RARB: variants seen among roughly 807,000 people sequenced by gnomAD.
RARB encodes the protein HBV-activated protein.
Under a neutral mutation model 51.9 loss-of-function variants are expected in RARB, and 17 were observed. That is an observed-to-expected ratio of 0.33 (90% CI 0.22 to 0.49). The LOEUF (loss-of-function observed/expected upper bound fraction) is 0.49, where lower values mean the gene tolerates loss of function less well. Ranked by LOEUF, RARB falls within the 20% of genes least tolerant of loss-of-function variation. The probability of loss-of-function intolerance (pLI) is 0.99; values close to 1 mark genes in which losing one functional copy is unlikely to be tolerated. For synonymous variants in RARB, 215 were observed against 195.4 expected, an observed-to-expected ratio of 1.10 and a Z score of -0.84; for missense variants, 369 against 550.8, an observed-to-expected ratio of 0.67 and a Z score of 3.30.
chr3:25,422,430 A>G (rs1032992533), intron 5 of RARB, among the ~76,000 whole-genome samples: 1 of 152,198 alleles, frequency 6.6e-6, no homozygotes, highest in African/African-American at 2.4e-5. Flanking sequence ...TGGTAGTGCC[A>G]TTGGCATTTA....
chr3:25,419,854 C>T (rs1344560121), intron 5 of RARB, among the ~76,000 whole-genome samples: 1 of 152,092 alleles, frequency 6.6e-6, no homozygotes, highest in Non-Finnish European at 1.5e-5. Context: ...AAACTGTTGC[C>T]TTCTGAATTA....
intron 4 of RARB, among the ~76,000 whole-genome samples, chr3:25,132,655 A>G (rs1260063027): frequency 6.6e-6 from 1 of 151,974 alleles, no homozygotes; most frequent in Non-Finnish European, 1.5e-5. Context: ...TAAGCAGTAG[A>G]GGATTAATAC....
chr3:25,174,349 G>A (rs1378607991), exon 5 of RARB: 22 of 1,331,086 alleles, frequency 1.7e-5, no homozygotes, highest in Non-Finnish European at 2.1e-5. Flanking sequence ...AAGACCTGGA[G>A]TGATGTGTTC....
At chr3:25,092,625 C>T (rs1699219039) in intron 3 of RARB, among the ~76,000 whole-genome samples, 1 of 152,100 alleles carries the variant, frequency 6.6e-6, no homozygotes. Flanking sequence ...TACATGTTTG[C>T]TCTTTTTTTT....
intron 5 of RARB, among the ~76,000 whole-genome samples, chr3:25,402,303 T>G (rs950321029): frequency 2.0e-5 from 3 of 152,120 alleles, no homozygotes; most frequent in Non-Finnish European, 4.4e-5. Flanking sequence ...TGTGCAATAG[T>G]GAATGCTGGC....
At chr3:24,925,744 C>G (rs748764330) in intron 2 of RARB, among the ~76,000 whole-genome samples, 1 of 149,486 alleles carries the variant, frequency 6.7e-6, no homozygotes, top group African/African-American at 2.5e-5. Context: ...ATAGAGATAT[C>G]TTTCTTAGAA....
intron 5 of RARB, among the ~76,000 whole-genome samples, chr3:25,420,341 A>G (rs1189403142): frequency 6.6e-6 from 1 of 152,142 alleles, no homozygotes; most frequent in Non-Finnish European, 1.5e-5. Context: ...TCTGAAGGAA[A>G]TTCCTTTGGG....
chr3:25,348,355 A>G (rs938357654), intron 5 of RARB, among the ~76,000 whole-genome samples: 15 of 150,594 alleles, frequency 1.0e-4, no homozygotes, highest in African/African-American at 2.9e-4. Context: ...AATATTTGCA[A>G]TAATAACTAT....
Position 25,021,718 on chromosome 3 carries a change from T to C in RARB, c.-379-38407T>C, listed in dbSNP as rs75797561. ...TTTCCATTTGTTCAAATTTTTTTTT[T>C]AAATTCGAGGACCTATAATGTCCAA... On this transcript the variant is annotated intron_variant, in intron 2 of 11. Transcript: ENST00000383772. 7.2e-3 allele frequency among the ~76,000 whole-genome samples: 1,092 copies of C among 152,212 alleles called. 20 individuals are homozygous for C. Among genetic ancestry groups the C allele is most frequent in the East Asian group, 0.063 (327 of 5,160 alleles).
chr3:25,384,234 G>A (rs374435024), intron 5 of RARB, among the ~76,000 whole-genome samples: 2 of 152,134 alleles, frequency 1.3e-5, no homozygotes, highest in Non-Finnish European at 2.9e-5. Flanking sequence ...TTAACTAGTT[G>A]TCTGGCTTTT....
intron 5 of RARB, among the ~76,000 whole-genome samples, chr3:25,256,845 G>A (rs1032198137): frequency 4.7e-5 from 7 of 149,526 alleles, no homozygotes; most frequent in African/African-American, 1.7e-4. Context: ...GAAGATAAGA[G>A]GTGGCACAGC....
intron 2 of RARB, among the ~76,000 whole-genome samples, chr3:25,470,205 G>C (rs1695617955): frequency 6.6e-6 from 1 of 152,172 alleles, no homozygotes; most frequent in African/African-American, 2.4e-5. Context: ...AGTAGTTCAA[G>C]AGAGTGTCTG....
At chr3:25,508,393 T>A (rs1428504234) in intron 3 of RARB, among the ~76,000 whole-genome samples, 2 of 152,214 alleles carry the variant, frequency 1.3e-5, no homozygotes, top group African/African-American at 4.8e-5. Flanking sequence ...TCCCCTTTAC[T>A]GTTAAACTTA....
intron 4 of RARB, among the ~76,000 whole-genome samples, chr3:25,578,838 TAG>T (rs1559476931): frequency 6.6e-6 from 1 of 152,268 alleles, no homozygotes; most frequent in African/African-American, 2.4e-5. Context: ...TCACTTCCTG[TAG>T]ACTGATTTTA....
intron 5 of RARB, among the ~76,000 whole-genome samples, chr3:25,396,015 A>G (rs1707103511): frequency 6.6e-6 from 1 of 152,166 alleles, no homozygotes; most frequent in African/African-American, 2.4e-5. Context: ...CTGGGACTCA[A>G]GGGCTGCTAT....
intron 2 of RARB, among the ~76,000 whole-genome samples, chr3:24,944,805 G>A (rs1325697649): frequency 6.6e-6 from 1 of 152,214 alleles, no homozygotes; most frequent in African/African-American, 2.4e-5. Context: ...TGTTTACTAT[G>A]ATGTTAGTGC....
At chr3:25,178,021 C>A (rs542790380) in intron 5 of RARB, among the ~76,000 whole-genome samples, 1 of 152,038 alleles carries the variant, frequency 6.6e-6, no homozygotes, top group Non-Finnish European at 1.5e-5. Context: ...AGGTTTCTCC[C>A]GGTCCACATG....
chr3:25,298,323 C>G (rs1175894882), intron 5 of RARB, among the ~76,000 whole-genome samples: 1 of 152,012 alleles, frequency 6.6e-6, no homozygotes. Context: ...GCTGGGGTTA[C>G]AGCCACGTGC....
intron 5 of RARB, among the ~76,000 whole-genome samples, chr3:25,316,954 A>C (rs572405665): frequency 2.0e-5 from 3 of 152,326 alleles, no homozygotes; most frequent in Admixed American, 6.5e-5. Context: ...TATTCACCCC[A>C]GGTCATTTAG....
Sources: allele counts gnomAD v4.1 joint callset (sites outside exome capture counted in the v4.1 genomes callset), GRCh38; gene constraint gnomAD v4.1.1; transcripts MANE v1.5; gene names NCBI Gene and HGNC (gene_info 2026-07-23, HGNC 2026-07-21).